Variants in PLCL2 observed in about 807,000 individuals in gnomAD.
The protein encoded by PLCL2 is inactive phospholipase C-like protein 2.
In PLCL2, 4 loss-of-function variants were observed where a neutral mutation model predicts 79.6. That is an observed-to-expected ratio of 0.05 (90% CI 0.02 to 0.11). The LOEUF is 0.11. Among genes scored for constraint, PLCL2 ranks in the 10% least tolerant of loss-of-function variants. PLCL2 has a pLI of 1.00. For missense variants in PLCL2, 895 were observed against 1,291.0 expected (o/e 0.69, Z 4.70); for synonymous variants, 484 against 457.7 (o/e 1.06, Z -0.73).
rs189828982 is a variant in PLCL2, at chr3:17,081,195, A to G, written c.3205-8538A>G. Reference sequence around the variant, plus strand: ...CTCTGCATTCCCAAATAGATAAGAAAGACAGGAAGGAGGAGTATTTTTGTG... The same window carrying G: ...CTCTGCATTCCCAAATAGATAAGAAGGACAGGAAGGAGGAGTATTTTTGTG... On this transcript the variant is annotated intron_variant, in intron 5 of 5. Transcript: ENST00000615277. The G allele has an allele frequency of 4.8e-5, 22 of 456,772 alleles. No individual in the cohort carries two copies. The East Asian group carries it at 1.5e-3, about 32-fold the overall frequency. The allele number at this position is 456,772 out of a possible 1,614,324, so 28.3% of individuals were successfully genotyped here. A position where few individuals can be genotyped will look rare whatever the true frequency, so the allele number is the denominator to read the frequency against.
intron 1 of PLCL2, among the ~76,000 whole-genome samples, chr3:16,979,761 T>TC (rs1461410450): frequency 6.8e-6 from 1 of 147,620 alleles, no homozygotes; most frequent in Non-Finnish European, 1.5e-5. Flanking sequence ...ACGGCAACCA[T>TC]CCGATTTCTC....
chr3:16,968,139 A>C (rs927604218), intron 1 of PLCL2, among the ~76,000 whole-genome samples: 3 of 152,058 alleles, frequency 2.0e-5, no homozygotes, highest in Non-Finnish European at 2.9e-5. Flanking sequence ...GACAGCCAGT[A>C]CCATGCTGTT....
rs1365540208 is a variant in PLCL2 at position 17,010,584 on chromosome 3, A to G, written c.1238A>G (p.Asp413Gly). ...DGFTNYLMSP[D>G]CYIFDPEHKK... is the part of the protein sequence containing the mutation. ...TTCACTAATTACCTTATGTCACCTG[A>G]CTGTTATATATTCGATCCAGAACAT... The change falls in exon 2 of 6, where the codon GAC becomes GGC. Residue 413 changes from aspartate to glycine, a missense_variant. Transcript: ENST00000615277. The surrounding 1 kb of genome is among the most constrained non-coding windows in gnomAD (Gnocchi z 5.8). 1 of 1,614,032 alleles carries G rather than the reference A, an allele frequency of 6.2e-7. No individual in the cohort carries two copies. The highest frequency in any genetic ancestry group is 8.5e-7 in the Non-Finnish European group (1 of 1,180,024).
chr3:16,972,760 C>T (rs891100941), intron 1 of PLCL2, among the ~76,000 whole-genome samples: 5 of 152,060 alleles, frequency 3.3e-5, no homozygotes, highest in Middle Eastern at 3.2e-3. Context: ...CTTTTTTGAT[C>T]ATTATTGTTT....
chr3:16,981,199 A>G (rs540778948), intron 1 of PLCL2, among the ~76,000 whole-genome samples: 3 of 152,338 alleles, frequency 2.0e-5, no homozygotes, highest in Admixed American at 1.3e-4. Context: ...GATTGTGATA[A>G]TTTATATTTA....
At position 16,994,443 on chromosome 3, in the gene PLCL2, A is replaced by G. The variant is rs188282932; in HGVS notation, c.328-15231A>G. ...TTGTTGCTCTCTGCCAAGTAGATAC[A>G]AAGACTGTGAGCATGTCTGTGCCAC... On this transcript the variant is annotated intron_variant, in intron 1 of 5. Transcript: ENST00000615277. 4.2e-3 allele frequency among the ~76,000 whole-genome samples: 637 copies of G among 152,306 alleles called. 2 individuals carry two copies. The highest frequency in any genetic ancestry group is 0.015 in the African/African-American group (611 of 41,556).
At chr3:16,993,350 A>G (rs1367365752) in intron 1 of PLCL2, among the ~76,000 whole-genome samples, 1 of 152,158 alleles carries the variant, frequency 6.6e-6, no homozygotes, top group Non-Finnish European at 1.5e-5. Flanking sequence ...TGTGGTTTGC[A>G]GGTGCTGGGG....
intron 3 of PLCL2, among the ~76,000 whole-genome samples, chr3:17,041,287 G>C (rs779033686): frequency 2.0e-5 from 3 of 152,208 alleles, no homozygotes; most frequent in Non-Finnish European, 4.4e-5. Context: ...GCCATAGGCT[G>C]TGGACTTCTT....
chr3:17,063,025 C>A (rs73151360), intron 4 of PLCL2, among the ~76,000 whole-genome samples: 4,882 of 151,954 alleles, frequency 0.032, 279 homozygotes, highest in African/African-American at 0.11. Context: ...AAGAGCCACA[C>A]TCTGTAAGAA....
chr3:16,988,039 T>C (rs187641576), intron 1 of PLCL2, among the ~76,000 whole-genome samples: 162 of 152,252 alleles, frequency 1.1e-3, no homozygotes, highest in Non-Finnish European at 1.7e-3. Flanking sequence ...CAGAGAACCA[T>C]GGATTTGTCA....
intron 1 of PLCL2, among the ~76,000 whole-genome samples, chr3:16,904,045 C>G (rs935241194): frequency 8.5e-5 from 13 of 152,138 alleles, no homozygotes; most frequent in African/African-American, 3.1e-4. Context: ...TGAACTCTAA[C>G]ATTGTGATGG....
At chr3:16,933,748 A>G (rs997699453) in intron 1 of PLCL2, among the ~76,000 whole-genome samples, 5 of 151,950 alleles carry the variant, frequency 3.3e-5, no homozygotes, top group Middle Eastern at 3.4e-3. Context: ...CATCCATTGT[A>G]TAGATGTGTA....
intron 1 of PLCL2, among the ~76,000 whole-genome samples, chr3:16,898,534 G>T (rs1022350513): frequency 6.6e-6 from 1 of 152,224 alleles, no homozygotes; most frequent in East Asian, 1.9e-4. Context: ...GAAATAGTGC[G>T]AGAGAAACAG....
At chr3:16,988,052 C>G (rs889777490) in intron 1 of PLCL2, among the ~76,000 whole-genome samples, 1 of 152,092 alleles carries the variant, frequency 6.6e-6, no homozygotes, top group Admixed American at 6.6e-5. Flanking sequence ...ATTTGTCAAG[C>G]CTGGGATCCG....
In PLCL2 at chr3:17,010,993, T is replaced by G. The variant is rs1480554157; in HGVS notation, c.1647T>G (p.Asn549Lys). 7 of 1,613,914 alleles carry G rather than the reference T, an allele frequency of 4.3e-6. No homozygotes were observed. Among genetic ancestry groups the G allele is most frequent in the Middle Eastern group, 1.7e-4 (1 of 6,060 alleles). Residue 549 changes from asparagine (N) to lysine (K), a missense_variant, in exon 2 of 6, where the codon AAT (asparagine) becomes AAG (lysine). By Grantham distance (94) the Asn-to-Lys change is moderately conservative. Around this residue, in one of 6 missense-constraint regions of PLCL2, gnomAD observed 242 missense variants for 399.5 expected, o/e 0.61. Coordinates refer to ENST00000615277, the MANE Select transcript of PLCL2 (RefSeq NM_001144382.2). This position sits in a 1 kb window ranked among gnomAD's most constrained non-coding sequence, Gnocchi z 5.8. The part of the protein sequence containing the change: ...LGDKLYTTSP[N>K]VEESYLPSPD... Reference sequence around the variant, plus strand: ...ACAAGCTCTATACAACATCACCCAATGTTGAGGAATCTTATCTACCATCCC... The same window carrying G: ...ACAAGCTCTATACAACATCACCCAAGGTTGAGGAATCTTATCTACCATCCC...
At chr3:16,943,071 C>T (rs2063566131) in intron 1 of PLCL2, among the ~76,000 whole-genome samples, 1 of 152,218 alleles carries the variant, frequency 6.6e-6, no homozygotes, top group Admixed American at 6.5e-5. Context: ...TTTCCTTGCT[C>T]TCTCTTTCAT....
chr3:17,008,988 A>ATT (rs966994924), intron 1 of PLCL2, among the ~76,000 whole-genome samples: 18 of 143,954 alleles, frequency 1.3e-4, no homozygotes, highest in Admixed American at 8.3e-4. Context: ...TGGCTAATTA[A>ATT]TTTTTTTTTT....
intron 1 of PLCL2, among the ~76,000 whole-genome samples, chr3:16,984,351 T>C (rs2064027964): frequency 6.6e-6 from 1 of 152,198 alleles, no homozygotes; most frequent in South Asian, 2.1e-4. Flanking sequence ...AATAGACTTA[T>C]AATTGGTTGT....
chr3:16,889,759 G>A lies in PLCL2; in HGVS notation c.327+4393G>A, dbSNP rs1696304864. Among the ~76,000 whole-genome samples, 3 of 152,250 alleles carry A rather than the reference G, an allele frequency of 2.0e-5. No individual in the cohort carries two copies. In the South Asian group the frequency reaches 6.2e-4, roughly 32 times the overall value. On this transcript the variant is annotated intron_variant, in intron 1 of 5. Coordinates refer to ENST00000615277, the MANE Select transcript of PLCL2 (RefSeq NM_001144382.2). ...TTGGCCCATGGTTTAAATAAACTAG[G>A]CTCCTTGCAGGCAGAAGTTGGACTG...
Sources: allele counts gnomAD v4.1 joint callset (sites outside exome capture counted in the v4.1 genomes callset), GRCh38; gene constraint gnomAD v4.1.1; regional missense constraint gnomAD v4.1.1; non-coding constraint Gnocchi (gnomAD v3.1); transcripts MANE v1.5; gene names NCBI Gene and HGNC (gene_info 2026-07-23, HGNC 2026-07-21).